Variants in PTPRD observed in about 807,000 individuals in gnomAD.
The protein encoded by PTPRD is protein tyrosine phosphatase receptor type D, also known as receptor-type tyrosine-protein phosphatase delta.
A neutral mutation model predicts 214.5 loss-of-function variants in PTPRD; 34 were observed. The ratio of observed to expected loss-of-function variants is 0.16; its 90% CI spans 0.12 to 0.21. The LOEUF (loss-of-function observed/expected upper bound fraction) is 0.21, where lower values mean the gene tolerates loss of function less well. Among genes scored for constraint, PTPRD ranks in the 10% least tolerant of loss-of-function variants. The pLI, the probability that PTPRD is intolerant of heterozygous loss-of-function variation, is 1.00. For synonymous variants in PTPRD, 1,128 were observed against 845.7 expected, an observed-to-expected ratio of 1.33 and a Z score of -5.79; for missense variants, 2,545 against 2,398.7, an observed-to-expected ratio of 1.06 and a Z score of -1.27.
At chr9:8,524,886 C>A (rs2097982714) in intron 18 of PTPRD, 39 bp downstream of exon 18, 1 of 1,564,120 alleles carries the variant, frequency 6.4e-7, no homozygotes, top group African/African-American at 1.4e-5. Flanking sequence ...CCCCCTGAGC[C>A]TGAATGAAGA....
At chr9:8,624,731 T>C (rs897781717) in intron 14 of PTPRD, among the ~76,000 whole-genome samples, 14 of 151,840 alleles carry the variant, frequency 9.2e-5, no homozygotes, top group African/African-American at 3.1e-4. Context: ...TCTAAACCTA[T>C]ACAGTTAGGA....
chr9:8,826,262 A>G (rs1369790880), intron 11 of PTPRD, among the ~76,000 whole-genome samples: 1 of 151,864 alleles, frequency 6.6e-6, no homozygotes, highest in African/African-American at 2.4e-5. Flanking sequence ...TACTCTTGTT[A>G]CCTCCCAATC....
At chr9:9,707,814 T>C (rs1047022359) in intron 7 of PTPRD, among the ~76,000 whole-genome samples, 1 of 152,098 alleles carries the variant, frequency 6.6e-6, no homozygotes, top group Non-Finnish European at 1.5e-5. Flanking sequence ...TAAAGGACTA[T>C]TGAAACCTGT....
chr9:10,296,176 T>C (rs2095667172), intron 3 of PTPRD, among the ~76,000 whole-genome samples: 1 of 152,106 alleles, frequency 6.6e-6, no homozygotes. Flanking sequence ...TTCAATTGCA[T>C]TCTTGTTCTG....
chr9:9,733,559 G>C (rs917108341), intron 7 of PTPRD, among the ~76,000 whole-genome samples: 6 of 152,130 alleles, frequency 3.9e-5, no homozygotes, highest in African/African-American at 1.4e-4. Flanking sequence ...TTTGGTTTTA[G>C]GAAGATAATG....
intron 14 of PTPRD, among the ~76,000 whole-genome samples, chr9:8,557,726 G>C (rs2084455074): frequency 8.0e-6 from 1 of 125,212 alleles, no homozygotes; most frequent in African/African-American, 3.0e-5. Context: ...CTGGGTGACA[G>C]AGCGAGACTG....
chr9:9,303,115 TG>T (rs1393443810), intron 9 of PTPRD, among the ~76,000 whole-genome samples: 1 of 151,924 alleles, frequency 6.6e-6, no homozygotes, highest in East Asian at 1.9e-4. Flanking sequence ...CCCAAATCAA[TG>T]AGGGAGATAA....
At chr9:9,275,458 G>A (rs112361857) in intron 9 of PTPRD, among the ~76,000 whole-genome samples, 15 of 150,592 alleles carry the variant, frequency 1.0e-4, no homozygotes, top group East Asian at 2.0e-4. Flanking sequence ...GGACCCACCC[G>A]AAGAGGGTGA....
chr9:9,586,557 G>C (rs934773101), intron 7 of PTPRD, among the ~76,000 whole-genome samples: 1 of 151,780 alleles, frequency 6.6e-6, no homozygotes, highest in African/African-American at 2.4e-5. Flanking sequence ...TAATCTCAAG[G>C]CACAACATTA....
intron 35 of PTPRD, among the ~76,000 whole-genome samples, chr9:8,407,785 G>C (rs1043831541): frequency 6.6e-6 from 1 of 152,148 alleles, no homozygotes; most frequent in South Asian, 2.1e-4. Flanking sequence ...AAATAATGCT[G>C]ACTTGTCTTT....
intron 35 of PTPRD, among the ~76,000 whole-genome samples, chr9:8,418,209 C>T (rs1451850481): frequency 1.3e-5 from 2 of 150,028 alleles, no homozygotes; most frequent in African/African-American, 2.4e-5. Context: ...TTGGAGAGCA[C>T]TTTCTTATCC....
At chr9:8,454,501 C>T (rs1433555191) in intron 33 of PTPRD, 2 of 1,498,078 alleles carry the variant, frequency 1.3e-6, no homozygotes, top group African/African-American at 1.4e-5. Context: ...CCCCGCCCTC[C>T]CCTCTTCAAC....
chr9:9,982,411 C>CA (rs1257719148), intron 4 of PTPRD, among the ~76,000 whole-genome samples: 1 of 151,508 alleles, frequency 6.6e-6, no homozygotes, highest in East Asian at 1.9e-4. Flanking sequence ...AGTAAGTCAT[C>CA]AAAAATCTCT....
In PTPRD at chr9:9,567,272, G is replaced by T. The variant is rs1308898837; in HGVS notation, c.-237+7460C>A. ...GATTGTGGGTGGGAGGTTCTGCTAGGGGTGGGATTGTTGTGTTATTGAGAG... is the reference window on the plus strand; with the variant it reads ...GATTGTGGGTGGGAGGTTCTGCTAGTGGTGGGATTGTTGTGTTATTGAGAG... On this transcript the variant is annotated intron_variant, in intron 8 of 45. Transcript: ENST00000381196. 3.3e-5 allele frequency among the ~76,000 whole-genome samples: 5 copies of T among 151,820 alleles called. 1 individual carries two copies. Among genetic ancestry groups the T allele is most frequent in the Admixed American group, 2.6e-4 (4 of 15,182 alleles).
chr9:9,420,736 T>A (rs1050031759), intron 8 of PTPRD, among the ~76,000 whole-genome samples: 4 of 151,990 alleles, frequency 2.6e-5, no homozygotes, highest in Admixed American at 2.6e-4. Context: ...CCAAAATAAT[T>A]ATGTAGCTCA....
At chr9:8,989,262 T>A (rs2099357124) in intron 11 of PTPRD, among the ~76,000 whole-genome samples, 1 of 152,020 alleles carries the variant, frequency 6.6e-6, no homozygotes, top group African/African-American at 2.4e-5. Context: ...TACAACACAC[T>A]ACTTTAACTA....
intron 9 of PTPRD, among the ~76,000 whole-genome samples, chr9:9,309,324 T>A (rs905395577): frequency 1.5e-4 from 23 of 150,668 alleles, no homozygotes; most frequent in African/African-American, 5.6e-4. Context: ...AATGGAAACA[T>A]TGCAAACAAA....
chr9:10,518,705 T>G (rs1372316937), intron 2 of PTPRD, among the ~76,000 whole-genome samples: 1 of 151,870 alleles, frequency 6.6e-6, no homozygotes, highest in Admixed American at 6.6e-5. Flanking sequence ...GCTAATTTTT[T>G]GTATTTTTAG....
At chr9:9,367,138 G>T (rs2058102575) in intron 9 of PTPRD, among the ~76,000 whole-genome samples, 1 of 151,122 alleles carries the variant, frequency 6.6e-6, no homozygotes. Flanking sequence ...TGTTACGTGG[G>T]GTTATTTATA....
Sources: gnomAD v4.1 joint callset for allele counts (sites outside exome capture counted in the v4.1 genomes callset) on GRCh38, gnomAD v4.1.1 for gene constraint, MANE v1.5 for transcripts, NCBI Gene and HGNC (gene_info 2026-07-23, HGNC 2026-07-21) for gene names.